Variants in SGCD observed in about 807,000 individuals in gnomAD.
The protein encoded by SGCD is delta-sarcoglycan.
A neutral mutation model predicts 36.6 loss-of-function variants in SGCD; 18 were observed. The observed-to-expected ratio is 0.49, with a 90% CI of 0.34 to 0.73. SGCD has a LOEUF of 0.73. SGCD is among the 30% of genes least tolerant of loss of function. The probability of loss-of-function intolerance (pLI) is 0.01; values close to 1 mark genes in which losing one functional copy is unlikely to be tolerated. For missense variants in SGCD, 387 were observed against 346.7 expected, an observed-to-expected ratio of 1.12 and a Z score of -0.92; for synonymous variants, 133 against 130.6, an observed-to-expected ratio of 1.02 and a Z score of -0.12.
chr5:156,713,335 C>T (rs1379971466), intron 7 of SGCD, among the ~76,000 whole-genome samples: 1 of 150,588 alleles, frequency 6.6e-6, no homozygotes, highest in Non-Finnish European at 1.5e-5. Context: ...GAGTGAGACT[C>T]AGAAGAGGGG....
the SGCD span, among the ~76,000 whole-genome samples, chr5:155,751,314 T>C: frequency 6.6e-6 from 1 of 152,252 alleles, no homozygotes; most frequent in Non-Finnish European, 1.5e-5. Flanking sequence ...TCTTGATCTA[T>C]GTACCTAAGC....
At chr5:156,629,927 T>C (rs1762572971) in intron 6 of SGCD, among the ~76,000 whole-genome samples, 1 of 148,570 alleles carries the variant, frequency 6.7e-6, no homozygotes, top group African/African-American at 2.5e-5. Flanking sequence ...AATGGCACGA[T>C]CTTGGCTCAC....
At chr5:156,151,240 T>A (rs985727542) in intron 3 of SGCD, among the ~76,000 whole-genome samples, 1 of 151,640 alleles carries the variant, frequency 6.6e-6, no homozygotes, top group African/African-American at 2.4e-5. Flanking sequence ...AGACAAACTT[T>A]CCTGTATCTA....
At chr5:156,136,432 AAT>A (rs1390128972) in intron 3 of SGCD, among the ~76,000 whole-genome samples, 3 of 152,180 alleles carry the variant, frequency 2.0e-5, no homozygotes, top group African/African-American at 4.8e-5. Context: ...TTAGAATAAA[AAT>A]ATGTTTCTTT....
chr5:156,143,735 C>T (rs1175392358), intron 3 of SGCD, among the ~76,000 whole-genome samples: 6 of 151,656 alleles, frequency 4.0e-5, no homozygotes, highest in Non-Finnish European at 8.8e-5. Flanking sequence ...CTTTTTTTTG[C>T]AATTTTTTTT....
intron 1 of SGCD, among the ~76,000 whole-genome samples, chr5:156,068,943 G>A (rs367579697): frequency 3.4e-4 from 52 of 151,982 alleles, no homozygotes; most frequent in Non-Finnish European, 6.8e-4. Flanking sequence ...GTCTGTTCAT[G>A]TCCTTTGCCC....
At chr5:156,330,437 A>C (rs1264290972) in intron 2 of SGCD, among the ~76,000 whole-genome samples, 1 of 152,118 alleles carries the variant, frequency 6.6e-6, no homozygotes, top group Non-Finnish European at 1.5e-5. Flanking sequence ...TCCTATCTGT[A>C]AGATGATCTG....
intron 1 of SGCD, among the ~76,000 whole-genome samples, chr5:155,892,037 A>G (rs1028363654): frequency 2.6e-5 from 4 of 152,166 alleles, no homozygotes; most frequent in Non-Finnish European, 5.9e-5. Context: ...TTGTTTTTAA[A>G]TGTGGTCATT....
chr5:155,764,247 G>A, the SGCD span, among the ~76,000 whole-genome samples: 2 of 152,088 alleles, frequency 1.3e-5, no homozygotes, highest in African/African-American at 4.8e-5. Flanking sequence ...GGTTAATAGG[G>A]AGAGGCCACT....
intron 1 of SGCD, among the ~76,000 whole-genome samples, chr5:156,111,677 C>T (rs1238552736): frequency 1.3e-5 from 2 of 152,114 alleles, no homozygotes; most frequent in Non-Finnish European, 2.9e-5. Context: ...GAAAGAAAAG[C>T]AGTCACAATT....
At chr5:155,790,178 T>A in the SGCD span, among the ~76,000 whole-genome samples, 1 of 152,096 alleles carries the variant, frequency 6.6e-6, no homozygotes, top group South Asian at 2.1e-4. Flanking sequence ...TCTAGTTTTT[T>A]AAGATATTAC....
intron 4 of SGCD, among the ~76,000 whole-genome samples, chr5:156,533,731 G>A (rs562901427): frequency 2.0e-5 from 3 of 152,270 alleles, no homozygotes; most frequent in Non-Finnish European, 2.9e-5. Context: ...ATATAAGGAT[G>A]CCTTAGGGCT....
chr5:156,287,762 G>A (rs1766649454), intron 3 of SGCD, among the ~76,000 whole-genome samples: 1 of 151,868 alleles, frequency 6.6e-6, no homozygotes, highest in Non-Finnish European at 1.5e-5. Flanking sequence ...GGCTGGGCAT[G>A]GTGTCTCTCA....
the SGCD span, among the ~76,000 whole-genome samples, chr5:155,795,039 T>A: frequency 6.6e-6 from 1 of 152,112 alleles, no homozygotes; most frequent in Non-Finnish European, 1.5e-5. Flanking sequence ...ATAATGGAAT[T>A]ACCTCTTAAA....
intron 3 of SGCD, among the ~76,000 whole-genome samples, chr5:156,495,409 T>C (rs1756139580): frequency 6.6e-6 from 1 of 152,150 alleles, no homozygotes; most frequent in Non-Finnish European, 1.5e-5. Context: ...TGGAAACCTT[T>C]CTCACAAGTA....
At chr5:155,931,445 A>G (rs1200467227) in intron 1 of SGCD, among the ~76,000 whole-genome samples, 1 of 152,182 alleles carries the variant, frequency 6.6e-6, no homozygotes, top group African/African-American at 2.4e-5. Flanking sequence ...TTACACATAC[A>G]CCCAAAATAT....
intron 3 of SGCD, among the ~76,000 whole-genome samples, chr5:156,394,876 A>C (rs1184099748): frequency 6.6e-6 from 1 of 152,224 alleles, no homozygotes; most frequent in Non-Finnish European, 1.5e-5. Context: ...AAGAGGAAAC[A>C]CTGTGTAAAC....
intron 3 of SGCD, among the ~76,000 whole-genome samples, chr5:156,234,349 A>G (rs1220083237): frequency 3.3e-5 from 5 of 152,162 alleles, no homozygotes; most frequent in Admixed American, 6.5e-5. Flanking sequence ...CAGTCTCTTA[A>G]CCCAGCAACT....
At chr5:155,864,746 CA>C in the SGCD span, among the ~76,000 whole-genome samples, 1 of 79,452 alleles carries the variant, frequency 1.3e-5, no homozygotes, top group Admixed American at 1.1e-4. Context: ...ACTACAAAAA[CA>C]ACATTTGCAT....
Sources: allele counts gnomAD v4.1 joint callset (sites outside exome capture counted in the v4.1 genomes callset), GRCh38; gene constraint gnomAD v4.1.1; transcripts MANE v1.5; gene names NCBI Gene and HGNC (gene_info 2026-07-23, HGNC 2026-07-21).